The following GRIP1 variants were observed in gnomAD, a reference collection of about 807,000 sequenced individuals.
GRIP1 encodes glutamate receptor interacting protein 1.
A neutral mutation model predicts 129.9 loss-of-function variants in GRIP1; 45 were observed. The ratio of observed to expected loss-of-function variants is 0.35; its 90% CI spans 0.27 to 0.44. GRIP1 has a LOEUF of 0.44. Ranked by LOEUF, GRIP1 falls within the 20% of genes least tolerant of loss-of-function variation. GRIP1 has a pLI of 1.00. For synonymous variants in GRIP1, 530 were observed against 520.8 expected (o/e 1.02, Z -0.24); for missense variants, 1,196 against 1,396.8 (o/e 0.86, Z 2.29).
intron 1 of GRIP1, among the ~76,000 whole-genome samples, chr12:66,922,624 G>C (rs943032695): frequency 6.6e-6 from 1 of 152,172 alleles, no homozygotes; most frequent in African/African-American, 2.4e-5. Context: ...CATAATTCCT[G>C]AATTCCTTTG....
intron 1 of GRIP1, among the ~76,000 whole-genome samples, chr12:66,949,200 A>T (rs965222135): frequency 2.0e-5 from 3 of 152,242 alleles, no homozygotes; most frequent in Admixed American, 6.5e-5. Context: ...ACACATAATT[A>T]TGGGAATCCT....
At chr12:66,883,565 C>T (rs772642833) in intron 1 of GRIP1, among the ~76,000 whole-genome samples, 15 of 152,128 alleles carry the variant, frequency 9.9e-5, no homozygotes, top group Non-Finnish European at 1.9e-4. Flanking sequence ...ACTTTCCAAA[C>T]TTGGGGAAAG....
At chr12:66,970,604 G>T (rs2042061008) in intron 1 of GRIP1, among the ~76,000 whole-genome samples, 1 of 112,410 alleles carries the variant, frequency 8.9e-6, no homozygotes. Context: ...CCCTCTCCTT[G>T]GCCAGCCAGT....
At chr12:66,442,930 T>C (rs1297332498) in intron 13 of GRIP1, among the ~76,000 whole-genome samples, 1 of 152,248 alleles carries the variant, frequency 6.6e-6, no homozygotes, top group Non-Finnish European at 1.5e-5. Flanking sequence ...TTTTTTACTT[T>C]CTTGTCTACT....
At chr12:66,778,750 C>T (rs938890044) in intron 1 of GRIP1, among the ~76,000 whole-genome samples, 8 of 152,094 alleles carry the variant, frequency 5.3e-5, no homozygotes, top group African/African-American at 1.9e-4. Context: ...CAATCTATGA[C>T]ATTTCTATAT....
rs935258041 is a variant in GRIP1 at position 66,980,912 on chromosome 12, C to T, written c.58+88138G>A. 9.9e-5 allele frequency among the ~76,000 whole-genome samples: 15 copies of T among 152,256 alleles called. No homozygotes were observed. The East Asian group carries it at 1.2e-3, about 12-fold the overall frequency. ...GCTCTTGTGACTTGTTCTCCATTTC[C>T]GTGTTTTGAGCATTGGCCAAATTAC... On this transcript the variant is annotated intron_variant, in intron 1 of 1. Coordinates refer to the GRIP1 transcript ENST00000643019.
intron 7 of GRIP1, among the ~76,000 whole-genome samples, chr12:66,503,895 T>C (rs2060457070): frequency 6.6e-6 from 1 of 152,148 alleles, no homozygotes; most frequent in African/African-American, 2.4e-5. Flanking sequence ...TGTTGACCAC[T>C]TGGGACAGGA....
intron 11 of GRIP1, among the ~76,000 whole-genome samples, chr12:66,447,205 C>A (rs965788934): frequency 6.7e-6 from 1 of 150,120 alleles, no homozygotes; most frequent in Admixed American, 6.6e-5. Context: ...TCTGCCTGGA[C>A]CCCTGGTGAG....
intron 1 of GRIP1, among the ~76,000 whole-genome samples, chr12:67,010,178 T>C (rs2042684081): frequency 6.6e-6 from 1 of 152,130 alleles, no homozygotes; most frequent in African/African-American, 2.4e-5. Context: ...TCATGAGTAA[T>C]ACAAAGCTAA....
At chr12:66,389,352 C>A (rs141125037) in intron 19 of GRIP1, among the ~76,000 whole-genome samples, 1 of 152,210 alleles carries the variant, frequency 6.6e-6, no homozygotes. Flanking sequence ...CTCAGCCTCC[C>A]GAGTAGCTGG....
intron 1 of GRIP1, among the ~76,000 whole-genome samples, chr12:66,639,250 T>C (rs1047635660): frequency 6.6e-6 from 1 of 152,136 alleles, no homozygotes; most frequent in East Asian, 1.9e-4. Context: ...TGAAGTGCCA[T>C]GTAGGGTGGG....
chr12:66,413,833 A>G (rs2057486653), intron 15 of GRIP1, among the ~76,000 whole-genome samples: 1 of 152,224 alleles, frequency 6.6e-6, no homozygotes, highest in African/African-American at 2.4e-5. Flanking sequence ...TATAAACAGA[A>G]CTAAAGACAA....
chr12:66,561,908 A>G (rs1300736032), intron 2 of GRIP1, among the ~76,000 whole-genome samples: 1 of 152,048 alleles, frequency 6.6e-6, no homozygotes, highest in African/African-American at 2.4e-5. Flanking sequence ...ACCCTGGACA[A>G]CTTGGTGAAA....
At chr12:66,506,135 T>C (rs2060519917) in intron 7 of GRIP1, among the ~76,000 whole-genome samples, 1 of 152,210 alleles carries the variant, frequency 6.6e-6, no homozygotes, top group African/African-American at 2.4e-5. Flanking sequence ...TGGCAGTATC[T>C]ACTAAAGCAT....
intron 15 of GRIP1, among the ~76,000 whole-genome samples, chr12:66,416,845 A>C (rs992205528): frequency 2.6e-5 from 4 of 152,088 alleles, no homozygotes; most frequent in East Asian, 1.9e-4. Flanking sequence ...AACTAATATA[A>C]ATCCTGCTAA....
chr12:66,436,957 G>C (rs1250051248), intron 13 of GRIP1, among the ~76,000 whole-genome samples: 1 of 125,104 alleles, frequency 8.0e-6, no homozygotes, highest in African/African-American at 3.2e-5. Context: ...CTGGGTAACA[G>C]AGCAAGACTC....
chr12:66,446,914 A>T (rs1317863925), intron 11 of GRIP1, among the ~76,000 whole-genome samples: 3 of 152,088 alleles, frequency 2.0e-5, no homozygotes, highest in African/African-American at 7.2e-5. Flanking sequence ...TTTATTAGCC[A>T]TCTCTCCCAC....
chr12:66,782,131 G>A (rs1030449590), intron 1 of GRIP1, among the ~76,000 whole-genome samples: 1 of 152,116 alleles, frequency 6.6e-6, no homozygotes, highest in African/African-American at 2.4e-5. Context: ...CTGGTACATG[G>A]TTATGTTCAC....
At chr12:66,997,092 T>C (rs1338234523) in intron 1 of GRIP1, among the ~76,000 whole-genome samples, 1 of 152,184 alleles carries the variant, frequency 6.6e-6, no homozygotes, top group East Asian at 1.9e-4. Flanking sequence ...TGGTGAGTTC[T>C]ACATTTACTG....
Sources: allele counts gnomAD v4.1 joint callset (sites outside exome capture counted in the v4.1 genomes callset), GRCh38; gene constraint gnomAD v4.1.1; transcripts MANE v1.5; gene names NCBI Gene and HGNC (gene_info 2026-07-23, HGNC 2026-07-21).